RABGAP1: variants seen among roughly 807,000 people sequenced by gnomAD.
The protein encoded by RABGAP1 is RAB GTPase activating protein 1, also known as rab GTPase-activating protein 1.
Under a neutral mutation model 137.6 loss-of-function variants are expected in RABGAP1, and 23 were observed. The ratio of observed to expected loss-of-function variants is 0.17; its 90% CI spans 0.12 to 0.24. The LOEUF (loss-of-function observed/expected upper bound fraction) is 0.24. Among genes scored for constraint, RABGAP1 ranks in the 10% least tolerant of loss-of-function variants. The probability of loss-of-function intolerance (pLI) is 1.00; values close to 1 mark genes in which losing one functional copy is unlikely to be tolerated. For missense variants in RABGAP1, 906 were observed against 1,275.8 expected, an observed-to-expected ratio of 0.71 and a Z score of 4.42; for synonymous variants, 451 against 450.7, an observed-to-expected ratio of 1.00 and a Z score of -0.01.
At chr9:123,024,263 C>G (rs142523794) in intron 13 of RABGAP1, among the ~76,000 whole-genome samples, 311 of 152,252 alleles carry the variant, frequency 2.0e-3, no homozygotes, top group African/African-American at 7.3e-3. Flanking sequence ...TTTTTTAGCA[C>G]TAAGTATGTG....
chr9:123,024,674 G>A (rs113291862), intron 13 of RABGAP1, among the ~76,000 whole-genome samples: 14 of 152,002 alleles, frequency 9.2e-5, no homozygotes, highest in Non-Finnish European at 1.6e-4. Flanking sequence ...TCCCGACCTC[G>A]TGATCCTCCC....
At chr9:123,085,574 T>C (rs1393261919) in intron 19 of RABGAP1, among the ~76,000 whole-genome samples, 2 of 152,256 alleles carry the variant, frequency 1.3e-5, no homozygotes, top group African/African-American at 4.8e-5. Flanking sequence ...TGTTTGAAGC[T>C]GTGATTTCCA....
chr9:122,953,427 G>C (rs1159647076), intron 1 of RABGAP1, among the ~76,000 whole-genome samples: 7 of 148,366 alleles, frequency 4.7e-5, no homozygotes, highest in Non-Finnish European at 1.0e-4. Context: ...TTTTGAGACA[G>C]AGTCTTGCTC....
rs140974463 is a variant in RABGAP1, at chr9:123,084,991, A to G, written c.2425-4767A>G. On this transcript the variant is annotated intron_variant, in intron 19 of 25. Coordinates refer to ENST00000373647, the MANE Select transcript of RABGAP1 (RefSeq NM_012197.4). ...GTCGCGCCTGCCCAGGTGAGCAGCC[A>G]CTCTCACTCTTTCTCCATGTGTGTT... Among the ~76,000 whole-genome samples the G allele has an allele frequency of 3.3e-3, 495 of 152,040 alleles. 1 individual carries two copies. The highest frequency in any genetic ancestry group is 0.011 in the African/African-American group (471 of 41,454).
At chr9:122,956,325 A>G (rs938479297) in intron 1 of RABGAP1, among the ~76,000 whole-genome samples, 4 of 152,332 alleles carry the variant, frequency 2.6e-5, no homozygotes, top group South Asian at 2.1e-4. Context: ...TTAAGTATCA[A>G]TAATGCTAGG....
At chr9:122,933,386 A>G in the RABGAP1 span, among the ~76,000 whole-genome samples, 1 of 151,398 alleles carries the variant, frequency 6.6e-6, no homozygotes. Context: ...ATGGTAGTAT[A>G]ACTACATCAG....
intron 21 of RABGAP1, among the ~76,000 whole-genome samples, chr9:123,094,732 T>G (rs2035128637): frequency 6.6e-6 from 1 of 152,182 alleles, no homozygotes; most frequent in Non-Finnish European, 1.5e-5. Context: ...GATTAAGTCT[T>G]TAGTTCCCTA....
intron 21 of RABGAP1, among the ~76,000 whole-genome samples, chr9:123,093,631 G>A (rs1010597017): frequency 1.8e-4 from 27 of 152,304 alleles, no homozygotes; most frequent in African/African-American, 6.3e-4. Flanking sequence ...CTAAATTGGC[G>A]GGTTCACTTC....
chr9:123,098,829 G>A, intron 23 of RABGAP1, 31 bp downstream of exon 23: 4 of 1,554,908 alleles, frequency 2.6e-6, no homozygotes, highest in Non-Finnish European at 3.5e-6. Flanking sequence ...ATTGGGCTGT[G>A]TAATCTGGGA....
At chr9:123,051,311 G>A (rs957184751) in intron 13 of RABGAP1, among the ~76,000 whole-genome samples, 1 of 125,928 alleles carries the variant, frequency 7.9e-6, no homozygotes, top group Non-Finnish European at 1.6e-5. Context: ...GCAATGGCGC[G>A]ATCTTGGCCC....
intron 13 of RABGAP1, among the ~76,000 whole-genome samples, chr9:123,041,209 T>C (rs1262565100): frequency 2.6e-5 from 4 of 152,212 alleles, no homozygotes. Context: ...TTAACCCCAT[T>C]ATACAGATGA....
At chr9:123,065,674 C>T (rs2034145968) in intron 14 of RABGAP1, 4 of 479,962 alleles carry the variant, frequency 8.3e-6, no homozygotes, top group Non-Finnish European at 1.5e-5. Context: ...TTCCTTTCCC[C>T]TTCTAATCAG....
At chr9:122,959,088 T>C (rs567444786) in intron 2 of RABGAP1, among the ~76,000 whole-genome samples, 1 of 151,888 alleles carries the variant, frequency 6.6e-6, no homozygotes, top group Non-Finnish European at 1.5e-5. Flanking sequence ...AAAAATTAAT[T>C]AATAAGAGTG....
At chr9:122,972,165 A>T (rs756890332) in intron 2 of RABGAP1, among the ~76,000 whole-genome samples, 1 of 152,170 alleles carries the variant, frequency 6.6e-6, no homozygotes, top group Non-Finnish European at 1.5e-5. Context: ...GTAGTGGCAC[A>T]TGTCTGTAAT....
At chr9:122,945,158 T>TTTTTTTTTTTTTTTTTTTTC (rs1833880465) in intron 1 of RABGAP1, among the ~76,000 whole-genome samples, 1 of 145,132 alleles carries the variant, frequency 6.9e-6, no homozygotes. Context: ...TTTTTTTTTT[T>TTTTTTTTTTTTTTTTTTTTC]TTTTTAGCAT....
chr9:123,051,231 T>TG (rs1564161490), intron 13 of RABGAP1, among the ~76,000 whole-genome samples: 4 of 55,208 alleles, frequency 7.2e-5, no homozygotes, highest in South Asian at 1.5e-3. Flanking sequence ...TTTTTTTTTT[T>TG]TTTTTTTTTT....
At chr9:123,041,695 A>T (rs2032959838) in intron 13 of RABGAP1, among the ~76,000 whole-genome samples, 1 of 152,220 alleles carries the variant, frequency 6.6e-6, no homozygotes, top group Admixed American at 6.5e-5. Flanking sequence ...ACGAGTAGTA[A>T]CTGACTCAGC....
upstream of RABGAP1, chr9:122,939,370 C>T (rs540966087): frequency 6.6e-5 from 10 of 152,124 alleles, no homozygotes; most frequent in East Asian, 1.9e-3. Flanking sequence ...CACGGTCTCA[C>T]TATGTTGCCC....
intron 19 of RABGAP1, among the ~76,000 whole-genome samples, chr9:123,078,336 C>A (rs755174926): frequency 1.1e-4 from 16 of 151,702 alleles, no homozygotes; most frequent in African/African-American, 3.9e-4. Context: ...ATAGGTATTA[C>A]GGCTAACAGT....
Sources: gnomAD v4.1 joint callset for allele counts (sites outside exome capture counted in the v4.1 genomes callset) on GRCh38, gnomAD v4.1.1 for gene constraint, MANE v1.5 for transcripts, NCBI Gene and HGNC (gene_info 2026-07-23, HGNC 2026-07-21) for gene names.